The following ABCA8 variants were observed in gnomAD, a reference collection of about 807,000 sequenced individuals.
ABCA8 encodes ABC-type organic anion transporter ABCA8.
Under a neutral mutation model 192.3 loss-of-function variants are expected in ABCA8, and 177 were observed. That is an observed-to-expected ratio of 0.92 (90% confidence interval 0.81 to 1.04). ABCA8 has a LOEUF of 1.04. ABCA8 is among the 50% of genes least tolerant of loss of function. ABCA8 has a pLI of 0.00. For synonymous variants in ABCA8, 642 were observed against 690.2 expected (o/e 0.93, Z 1.09); for missense variants, 1,915 against 1,904.8 (o/e 1.01, Z -0.10).
At chr17:68,946,070 T>C (rs1209417288) in intron 2 of ABCA8, among the ~76,000 whole-genome samples, 1 of 151,742 alleles carries the variant, frequency 6.6e-6, no homozygotes, top group African/African-American at 2.4e-5. Context: ...ATTAATTAAT[T>C]AATTAATTAA....
intron 13 of ABCA8, 48 bp downstream of exon 13, chr17:68,921,334 A>G (rs1444222052): frequency 2.1e-6 from 3 of 1,408,386 alleles, no homozygotes; most frequent in South Asian, 2.4e-5. Flanking sequence ...CATGTACCCT[A>G]AAACTTAAAG....
intron 9 of ABCA8, 66 bp downstream of exon 9, chr17:68,928,983 C>A: frequency 7.9e-7 from 1 of 1,257,912 alleles, no homozygotes; most frequent in Non-Finnish European, 1.0e-6. Context: ...ATGATTACAG[C>A]CTATGGATTC....
chr17:68,903,359 C>A lies in ABCA8; in HGVS notation c.2539G>T (p.Ala847Ser), dbSNP rs767975152. 1.2e-6 allele frequency: 2 copies of A among 1,614,148 alleles called. No homozygotes were observed. The highest frequency in any genetic ancestry group is 1.7e-6 in the Non-Finnish European group (2 of 1,180,024). ...GVALWRQQIC[A>S]IARVRLLKLK... Reference sequence around the variant, plus strand: ...TTTAACAAGCGAACCCTTGCAATTGCGCAGATTTGCTGTCGCCAGAGAGCC... The same window carrying A: ...TTTAACAAGCGAACCCTTGCAATTGAGCAGATTTGCTGTCGCCAGAGAGCC... Residue 847 changes from alanine to serine, a missense_variant, in exon 20 of 40, where the codon GCA becomes TCA. By Grantham distance (99) the Ala-to-Ser change is moderately conservative (BLOSUM62 1). Transcript: ENST00000586539.
Position 68,911,383 on chromosome 17 carries a change from TG to T in ABCA8, c.2139-3505del. ...AGGAGAGGGAAGAGTGGGAAGACTT[TG>T]TCTTCTGGTTTGGGTGTCAGCTCAG... is the stretch of plus-strand genomic sequence containing the variant. On this transcript the variant is annotated intron_variant, in intron 17 of 39. Coordinates refer to ENST00000586539, the MANE Select transcript of ABCA8 (RefSeq NM_001288985.2). This position sits in a 1 kb window ranked among gnomAD's most constrained non-coding sequence, Gnocchi z 5.7. Among the ~76,000 whole-genome samples the T allele has an allele frequency of 6.7e-6, 1 of 150,336 alleles. No individual in the cohort carries two copies. The highest frequency in any genetic ancestry group is 2.5e-5 in the African/African-American group (1 of 40,136).
intron 11 of ABCA8, 63 bp from the exon 12 acceptor site, chr17:68,922,363 T>A: frequency 9.0e-7 from 1 of 1,116,154 alleles, no homozygotes; most frequent in Non-Finnish European, 1.3e-6. Context: ...TCCAGTTTGG[T>A]AGACAGGATT....
chr17:68,944,355 T>TACATAC (rs2068329423), intron 2 of ABCA8, among the ~76,000 whole-genome samples: 1 of 88,996 alleles, frequency 1.1e-5, no homozygotes, highest in African/African-American at 4.5e-5. Flanking sequence ...TATATATATA[T>TACATAC]ATATACACAT....
In ABCA8 at chr17:68,917,412, G is replaced by A. The variant is rs145869753; in HGVS notation, c.2087C>T (p.Ala696Val). ...VFLSQGKLKC[A>V]GSSLFLKKKW... Reference sequence around the variant, plus strand: ...CTTCTTTAGAAACAAAGAAGAGCCCGCGCACTTTAGCTTCCCTTGGGAGAG... The same window carrying A: ...CTTCTTTAGAAACAAAGAAGAGCCCACGCACTTTAGCTTCCCTTGGGAGAG... The change falls in exon 17 of 40, where the codon GCG (alanine) becomes GTG (valine). Residue 696 changes from alanine (A) to valine (V), a missense_variant. Transcript: ENST00000586539. 23 of 1,611,614 alleles carry A rather than the reference G, an allele frequency of 1.4e-5. No homozygotes were observed. The highest frequency in any genetic ancestry group is 1.2e-4 in the Admixed American group (7 of 59,838).
intron 3 of ABCA8, among the ~76,000 whole-genome samples, chr17:68,941,434 T>A (rs4147960): frequency 0.43 from 64,836 of 152,060 alleles, 15,483 homozygotes; most frequent in Non-Finnish European, 0.54. Context: ...ATACCAAAGT[T>A]TAATCAAGAT....
chr17:68,947,860 G>A (rs780113589), intron 2 of ABCA8, among the ~76,000 whole-genome samples: 5 of 152,100 alleles, frequency 3.3e-5, no homozygotes, highest in South Asian at 2.1e-4. Flanking sequence ...AGCCCCGCAC[G>A]CATTAGGTAT....
At chr17:68,940,714 A>C (rs769639819) in intron 4 of ABCA8, 44 bp downstream of exon 4, 1 of 1,539,068 alleles carries the variant, frequency 6.5e-7, no homozygotes, top group South Asian at 1.1e-5. Context: ...AAATAAACCA[A>C]ATATTCACAC....
chr17:68,921,561 A>G, intron 12 of ABCA8, 69 bp from the exon 13 acceptor site: 2 of 934,226 alleles, frequency 2.1e-6, no homozygotes, highest in Non-Finnish European at 3.3e-6. Context: ...ACCACAAAAA[A>G]TATTCCATTA....
intron 5 of ABCA8, among the ~76,000 whole-genome samples, chr17:68,935,541 T>C (rs1206534168): frequency 3.4e-5 from 1 of 29,132 alleles, no homozygotes; most frequent in Non-Finnish European, 6.9e-5. Flanking sequence ...GTAGTATTCC[T>C]ATATATATAT....
chr17:68,908,000 G>C (rs1183573858), intron 17 of ABCA8, 121 bp from the exon 18 acceptor site: 5 of 961,290 alleles, frequency 5.2e-6, no homozygotes, highest in Non-Finnish European at 5.5e-6. Flanking sequence ...GCCAGAAATA[G>C]GTCAGACAAA....
chr17:68,882,496 CT>C, intron 30 of ABCA8, 102 bp downstream of exon 30: 2 of 1,097,460 alleles, frequency 1.8e-6, no homozygotes, highest in Non-Finnish European at 2.5e-6. Context: ...CAATTACCTA[CT>C]AAAATAGTGA....
intron 19 of ABCA8, among the ~76,000 whole-genome samples, chr17:68,904,272 A>G (rs945205596): frequency 1.5e-5 from 2 of 131,552 alleles, no homozygotes; most frequent in Admixed American, 1.5e-4. Flanking sequence ...ACAGAGCGAG[A>G]CTCCATCTCA....
intron 25 of ABCA8, 71 bp downstream of exon 25, chr17:68,887,260 AAATGT>A: frequency 2.1e-6 from 3 of 1,403,514 alleles, no homozygotes; most frequent in Non-Finnish European, 2.9e-6. Context: ...ATATTGATAG[AAATGT>A]TCCAAAATTT....
chr17:68,882,633 G>C lies in ABCA8; in HGVS notation c.3794C>G (p.Thr1265Arg), dbSNP rs113953030. 6.2e-7 allele frequency: 1 copy of C among 1,612,720 alleles called. No homozygotes were observed. The highest frequency in any genetic ancestry group is 8.5e-7 in the Non-Finnish European group (1 of 1,179,474). The change falls in exon 30 of 40, where the codon ACA becomes AGA. Residue 1265 changes from threonine (T) to arginine (R), a missense_variant. Thr to Arg is a moderately conservative substitution (Grantham distance 71). Transcript: ENST00000586539. Reference protein sequence around the residue: ...DEDVQMERVRTANALNSTNFD... With the variant: ...DEDVQMERVRRANALNSTNFD... The stretch of plus-strand genomic sequence containing the variant: ...ATTAGTAGAATTCAAGGCATTTGCT[G>C]TTCTCACTCTTTCCATCTGAACATC...
chr17:68,876,611 C>T lies in ABCA8; in HGVS notation c.4275+17G>A, dbSNP rs775535928. ...CATCTATGGCACTTGCAGAGCAACA[C>T]CAAGCCCTGCCCGTACCTTTCTCTT... On this transcript the variant is annotated intron_variant, in intron 34 of 39. Transcript: ENST00000586539. The T allele has an allele frequency of 1.9e-6, 3 of 1,614,028 alleles. No individual in the cohort carries two copies. The highest frequency in any genetic ancestry group is 3.3e-5 in the Admixed American group (2 of 60,004).
chr17:68,931,882 A>G (rs2067893752), intron 7 of ABCA8: 2 of 146,166 alleles, frequency 1.4e-5, no homozygotes, highest in Non-Finnish European at 2.8e-5. Context: ...TCTCATTTGT[A>G]CCCCTTGGTT....
Sources: gnomAD v4.1 joint callset for allele counts (sites outside exome capture counted in the v4.1 genomes callset) on GRCh38, gnomAD v4.1.1 for gene constraint, Gnocchi (gnomAD v3.1) non-coding constraint, MANE v1.5 for transcripts, NCBI Gene and HGNC (gene_info 2026-07-23, HGNC 2026-07-21) for gene names.